Variants in ANKDD1A observed in about 807,000 individuals in gnomAD.
ANKDD1A encodes ankyrin repeat and death domain containing 1A.
ANKDD1A carries 59 observed loss-of-function variants against 63.5 expected under a neutral mutation model. That is an observed-to-expected ratio of 0.93 (90% confidence interval 0.75 to 1.15). The LOEUF (loss-of-function observed/expected upper bound fraction) is 1.15. ANKDD1A is among the 50% of genes most tolerant of loss of function. The pLI is 0.00. For missense variants in ANKDD1A, 632 were observed against 656.4 expected, an observed-to-expected ratio of 0.96 and a Z score of 0.41; for synonymous variants, 266 against 263.9, an observed-to-expected ratio of 1.01 and a Z score of -0.08.
At chr15:64,956,282 G>A (rs1178440923) in intron 14 of ANKDD1A, among the ~76,000 whole-genome samples, 1 of 149,748 alleles carries the variant, frequency 6.7e-6, no homozygotes, top group African/African-American at 2.5e-5. Context: ...GGGCGCAGTG[G>A]CTCATGCCTG....
intron 14 of ANKDD1A, among the ~76,000 whole-genome samples, chr15:64,954,083 CTTCT>C (rs1433547367): frequency 0.024 from 2,741 of 114,892 alleles, 45 homozygotes; most frequent in Admixed American, 0.042. Context: ...CTCTTTTCTT[CTTCT>C]TTCTCCTCCC....
chr15:64,921,802 G>T, intron 3 of ANKDD1A, 119 bp from the exon 4 acceptor site: 1 of 799,752 alleles, frequency 1.3e-6, no homozygotes, highest in Non-Finnish European at 2.0e-6. Flanking sequence ...GAGCTCCCTG[G>T]ATTAAGTGGC....
intron 13 of ANKDD1A, 98 bp downstream of exon 13, chr15:64,947,691 G>C: frequency 1.4e-6 from 2 of 1,429,760 alleles, no homozygotes; most frequent in East Asian, 2.5e-5. Flanking sequence ...GAAAGGGCCT[G>C]TGCAACCCAC....
chr15:64,950,103 CT>C (rs1316488561), intron 14 of ANKDD1A, 131 bp downstream of exon 14: 2 of 1,488,772 alleles, frequency 1.3e-6, no homozygotes, highest in African/African-American at 1.4e-5. Context: ...ATTCCTACCC[CT>C]AGCCCTGCCC....
chr15:64,955,016 TTCTTCTTCTTCC>T, intron 14 of ANKDD1A, among the ~76,000 whole-genome samples: 1 of 121,258 alleles, frequency 8.2e-6, no homozygotes, highest in Non-Finnish European at 1.7e-5. Flanking sequence ...CTTCTTCCAC[TTCTTCTTCTTCC>T]TCTTCTTCTT....
chr15:64,950,139 T>C (rs940171539), intron 14 of ANKDD1A, 167 bp downstream of exon 14: 24 of 985,300 alleles, frequency 2.4e-5, no homozygotes, highest in Admixed American at 6.1e-5. Flanking sequence ...CAAACTACAG[T>C]GCCTCCTGGC....
intron 6 of ANKDD1A, among the ~76,000 whole-genome samples, chr15:64,928,533 T>C (rs2140370531): frequency 7.2e-6 from 1 of 139,114 alleles, no homozygotes; most frequent in Non-Finnish European, 1.6e-5. Flanking sequence ...GTTTTCACAA[T>C]GGGAGTGTTT....
intron 3 of ANKDD1A, among the ~76,000 whole-genome samples, chr15:64,921,047 T>C (rs1224204613): frequency 6.6e-6 from 1 of 151,974 alleles, no homozygotes; most frequent in Non-Finnish European, 1.5e-5. Context: ...CACAGCTCAC[T>C]GTAGCCTCTA....
chr15:64,946,473 A>C (rs544015685), intron 12 of ANKDD1A, among the ~76,000 whole-genome samples: 6 of 152,304 alleles, frequency 3.9e-5, no homozygotes, highest in South Asian at 2.1e-4. Context: ...TATAATCCCA[A>C]AATGTTAATA....
At chr15:64,929,298 C>G (rs1000101617) in intron 6 of ANKDD1A, among the ~76,000 whole-genome samples, 17 of 152,154 alleles carry the variant, frequency 1.1e-4, no homozygotes, top group African/African-American at 4.1e-4. Context: ...CTCAGTCTTT[C>G]CAGTATCTGG....
intron 14 of ANKDD1A, among the ~76,000 whole-genome samples, chr15:64,952,943 TTCCTTCTCTTTC>T (rs2085326037): frequency 1.7e-5 from 1 of 60,094 alleles, no homozygotes; most frequent in African/African-American, 4.0e-5. Context: ...CTTCCTCTTC[TTCCTTCTCTTTC>T]TTCCTCTTCT....
intron 9 of ANKDD1A, among the ~76,000 whole-genome samples, chr15:64,936,055 A>G (rs1462224403): frequency 6.6e-6 from 1 of 152,160 alleles, no homozygotes; most frequent in Admixed American, 6.6e-5. Context: ...TATAAGTACT[A>G]TTATTATTAT....
At chr15:64,954,305 C>CTTTCTCCTT (rs2085379777) in intron 14 of ANKDD1A, among the ~76,000 whole-genome samples, 2 of 140,698 alleles carry the variant, frequency 1.4e-5, no homozygotes, top group Admixed American at 7.4e-5. Flanking sequence ...CTTTTCTTCT[C>CTTTCTCCTT]CTTCTCTTCC....
rs1043969770 is a variant in ANKDD1A at position 64,917,455 on chromosome 15, C to G, written c.208C>G (p.His70Asp). 6 of 1,607,248 alleles carry G rather than the reference C, an allele frequency of 3.7e-6. No individual in the cohort carries two copies. The Admixed American group carries it at 1.0e-4, about 27-fold the overall frequency. Residue 70 changes from histidine to aspartate, a missense_variant, in exon 3 of 15, where the codon CAC (histidine) becomes GAC (aspartate). Transcript: ENST00000319580. ...GCAGGCTGTGCGTCTGCTTCTGGAG[C>G]ACGAGGCTGCTGTGGACGAGGAGGA... The part of the protein sequence containing the change: ...HEQAVRLLLE[H>D]EAAVDEEDAV...
chr15:64,955,980 AGGGGACT>A (rs892796028), intron 14 of ANKDD1A, among the ~76,000 whole-genome samples: 1 of 152,224 alleles, frequency 6.6e-6, no homozygotes, highest in Admixed American at 6.5e-5. Context: ...GACTGGCTAC[AGGGGACT>A]GGTGAAATAG....
At chr15:64,925,166 TGCAGTGAGCCGAGATC>T (rs959741599) in intron 4 of ANKDD1A, among the ~76,000 whole-genome samples, 1 of 140,382 alleles carries the variant, frequency 7.1e-6, no homozygotes, top group Admixed American at 8.0e-5. Context: ...AGGTGGAAGT[TGCAGTGAGCCGAGATC>T]GCACCACTGT....
At chr15:64,954,329 C>CTTCT (rs2085381073) in intron 14 of ANKDD1A, among the ~76,000 whole-genome samples, 1 of 12,114 alleles carries the variant, frequency 8.3e-5, no homozygotes, top group Admixed American at 1.1e-3. Context: ...TTAGTTCTTC[C>CTTCT]TTCTTCTTCC....
At chr15:64,952,984 C>T (rs1204392898) in intron 14 of ANKDD1A, among the ~76,000 whole-genome samples, 752 of 19,246 alleles carry the variant, frequency 0.039, 6 homozygotes, top group Admixed American at 0.087. Flanking sequence ...TCTTGTCTCT[C>T]CTTCTTCTCC....
intron 6 of ANKDD1A, 48 bp downstream of exon 6, chr15:64,927,047 G>A (rs1485388146): frequency 6.2e-7 from 1 of 1,601,476 alleles, no homozygotes; most frequent in Admixed American, 1.7e-5. Flanking sequence ...TGCAAAACTT[G>A]CCACCTTCCA....
Sources: allele counts gnomAD v4.1 joint callset (sites outside exome capture counted in the v4.1 genomes callset), GRCh38; gene constraint gnomAD v4.1.1; transcripts MANE v1.5; gene names NCBI Gene and HGNC (gene_info 2026-07-23, HGNC 2026-07-21).